Variants in ALPL observed in about 807,000 individuals in gnomAD.
ALPL encodes the protein alkaline phosphatase, biomineralization associated.
A neutral mutation model predicts 51.3 loss-of-function variants in ALPL; 42 were observed. That is an observed-to-expected ratio of 0.82 (90% CI 0.64 to 1.06). ALPL has a LOEUF of 1.06. Ranked by LOEUF, ALPL falls within the 50% of genes least tolerant of loss-of-function variation. ALPL has a pLI of 0.00. For synonymous variants in ALPL, 279 were observed against 296.4 expected (o/e 0.94, Z 0.60); for missense variants, 589 against 709.4 (o/e 0.83, Z 1.93).
chr1:21,537,563 C>T (rs937166175), intron 1 of ALPL, among the ~76,000 whole-genome samples: 3 of 151,798 alleles, frequency 2.0e-5, no homozygotes, highest in African/African-American at 4.8e-5. Flanking sequence ...GCCAGAACCA[C>T]CCCCCCCACC....
chr1:21,521,068 A>G (rs898010711), intron 1 of ALPL, among the ~76,000 whole-genome samples: 2 of 152,120 alleles, frequency 1.3e-5, no homozygotes, highest in Non-Finnish European at 2.9e-5. Context: ...AACCCTTTGT[A>G]ATCTGATCAT....
At chr1:21,563,334 G>A in intron 5 of ALPL, 50 bp downstream of exon 5, 1 of 1,564,508 alleles carries the variant, frequency 6.4e-7, no homozygotes, top group Non-Finnish European at 8.7e-7. Flanking sequence ...GGCCTGTCCA[G>A]GCCTCAGTCT....
At chr1:21,570,399 G>T in intron 8 of ALPL, 25 bp downstream of exon 8, 2 of 1,611,406 alleles carry the variant, frequency 1.2e-6, no homozygotes, top group Non-Finnish European at 1.7e-6. Flanking sequence ...TGGAGGGGAG[G>T]ATGCATGGCT....
At chr1:21,519,722 G>T (rs552988964) in intron 1 of ALPL, among the ~76,000 whole-genome samples, 1 of 152,196 alleles carries the variant, frequency 6.6e-6, no homozygotes, top group Non-Finnish European at 1.5e-5. Context: ...ACTTGAATCC[G>T]GGAGGCGGAG....
chr1:21,554,523 C>T (rs2148136243), intron 2 of ALPL, among the ~76,000 whole-genome samples: 1 of 146,406 alleles, frequency 6.8e-6, no homozygotes, highest in Admixed American at 6.8e-5. Context: ...CAGGGTTTCG[C>T]TCTGTTGCCC....
intron 1 of ALPL, among the ~76,000 whole-genome samples, chr1:21,510,046 G>A (rs990887644): frequency 6.6e-6 from 1 of 152,112 alleles, no homozygotes; most frequent in South Asian, 2.1e-4. Context: ...GCTTGGAATG[G>A]GGGGCGTGGC....
chr1:21,576,218 T>TG (rs1553414697), intron 10 of ALPL, among the ~76,000 whole-genome samples: 64 of 142,500 alleles, frequency 4.5e-4, no homozygotes, highest in Middle Eastern at 3.6e-3. Context: ...GATGGATGGA[T>TG]GATGGATGGA....
At chr1:21,576,460 G>T in intron 10 of ALPL, 62 bp from the exon 11 acceptor site, 1 of 1,594,048 alleles carries the variant, frequency 6.3e-7, no homozygotes, top group Non-Finnish European at 8.6e-7. Context: ...GCCTAATCTG[G>T]GGGCTGGGGA....
intron 1 of ALPL, among the ~76,000 whole-genome samples, chr1:21,525,402 G>A (rs143200703): frequency 1.2e-4 from 19 of 152,344 alleles, no homozygotes; most frequent in African/African-American, 3.6e-4. Flanking sequence ...TGGAGGCAGC[G>A]CTTGTCTTGG....
chr1:21,552,105 T>TCCCCC (rs1558542001), intron 1 of ALPL, among the ~76,000 whole-genome samples: 1 of 22,844 alleles, frequency 4.4e-5, no homozygotes, highest in Non-Finnish European at 7.0e-5. Flanking sequence ...TCCCTTCCCT[T>TCCCCC]TCCTCCCCTT....
chr1:21,567,819 C>A (rs560646213), intron 6 of ALPL, among the ~76,000 whole-genome samples: 1 of 152,190 alleles, frequency 6.6e-6, no homozygotes, highest in Non-Finnish European at 1.5e-5. Context: ...TGGTCTGATT[C>A]TTATTCGAGT....
At position 21,564,374 on chromosome 1, in the gene ALPL, G is replaced by A. The variant is rs1388182180; in HGVS notation, c.648+158G>A. Among the ~76,000 whole-genome samples the A allele has an allele frequency of 6.6e-6, 1 of 152,178 alleles. No homozygotes were observed. Among genetic ancestry groups the A allele is most frequent in the Non-Finnish European group, 1.5e-5 (1 of 68,034 alleles). On this transcript the variant is annotated intron_variant, in intron 6 of 11. Transcript: ENST00000374840. This position sits in a 1 kb window ranked among gnomAD's most constrained non-coding sequence, Gnocchi z 5.8. ...CATTAGGGGATTTGCGGTTGGGCAG[G>A]CAGGCACTGTGGGATTTCTCTGCGG...
intron 1 of ALPL, among the ~76,000 whole-genome samples, chr1:21,521,577 G>A (rs1043740043): frequency 1.2e-4 from 18 of 152,234 alleles, no homozygotes; most frequent in African/African-American, 4.1e-4. Context: ...CCCACTGGGT[G>A]TGACTCTTGA....
At chr1:21,519,375 C>A (rs1643861192) in intron 1 of ALPL, among the ~76,000 whole-genome samples, 1 of 152,360 alleles carries the variant, frequency 6.6e-6, no homozygotes, top group African/African-American at 2.4e-5. Flanking sequence ...CTCAGCTTAC[C>A]ATGATCATTT....
At chr1:21,511,652 G>A (rs910067197) in intron 1 of ALPL, among the ~76,000 whole-genome samples, 5 of 152,136 alleles carry the variant, frequency 3.3e-5, no homozygotes, top group East Asian at 1.9e-4. Flanking sequence ...ACCTTCTGTC[G>A]CCATCCTAAA....
At chr1:21,526,512 T>A (rs1176294653) in intron 1 of ALPL, among the ~76,000 whole-genome samples, 1 of 152,224 alleles carries the variant, frequency 6.6e-6, no homozygotes, top group Non-Finnish European at 1.5e-5. Context: ...ATCATTCAGT[T>A]CTAAGTAATT....
chr1:21,545,579 C>T (rs183718658), intron 1 of ALPL, among the ~76,000 whole-genome samples: 1 of 152,012 alleles, frequency 6.6e-6, no homozygotes, highest in African/African-American at 2.4e-5. Flanking sequence ...GAGTGAGCCA[C>T]CATGCCCAGC....
intron 1 of ALPL, among the ~76,000 whole-genome samples, chr1:21,524,025 A>G (rs1306578522): frequency 8.5e-5 from 9 of 105,632 alleles, no homozygotes; most frequent in Non-Finnish European, 1.4e-4. Flanking sequence ...TTTTTTTGAC[A>G]TGGAGTCTCG....
chr1:21,525,875 C>T (rs755098500), intron 1 of ALPL, among the ~76,000 whole-genome samples: 2 of 152,110 alleles, frequency 1.3e-5, no homozygotes, highest in Non-Finnish European at 2.9e-5. Flanking sequence ...GTAATCCCAG[C>T]TACTCCGGAG....
Sources: allele counts gnomAD v4.1 joint callset (sites outside exome capture counted in the v4.1 genomes callset), GRCh38; gene constraint gnomAD v4.1.1; non-coding constraint Gnocchi (gnomAD v3.1); transcripts MANE v1.5; gene names NCBI Gene and HGNC (gene_info 2026-07-23, HGNC 2026-07-21).